MYCBP: variants seen among roughly 807,000 people sequenced by gnomAD.
MYCBP encodes C-Myc-binding protein.
Under a neutral mutation model 16.8 loss-of-function variants are expected in MYCBP, and 5 were observed. That is an observed-to-expected ratio of 0.30 (90% CI 0.16 to 0.63). The LOEUF (loss-of-function observed/expected upper bound fraction) is 0.63. Among genes scored for constraint, MYCBP ranks in the 20% least tolerant of loss-of-function variants. The pLI is 0.83. For synonymous variants in MYCBP, 35 were observed against 43.7 expected, an observed-to-expected ratio of 0.80 and a Z score of 0.79; for missense variants, 103 against 121.8, an observed-to-expected ratio of 0.85 and a Z score of 0.73.
rs1642288852 is a variant in MYCBP, at chr1:38,864,019, GA to G, written c.*650del. The G allele has an allele frequency of 6.5e-6, 1 of 152,812 alleles. No individual in the cohort carries two copies. Among genetic ancestry groups the G allele is most frequent in the Non-Finnish European group, 1.5e-5 (1 of 68,238 alleles). 9.5% of individuals were successfully genotyped at this position (152,812 alleles called of 1,614,324 possible). On this transcript the variant is annotated 3_prime_UTR_variant, in exon 5 of 5. Coordinates refer to ENST00000397572, the MANE Select transcript of MYCBP (RefSeq NM_012333.5). ...ATTAGGCAAATTGAAAAACAGCACA[GA>G]AAGGCCAGTGTGCAACTAGGACCCA... is the stretch of plus-strand genomic sequence containing the variant.
intron 2 of MYCBP, chr1:38,872,492 TACAC>T (rs1642486195): frequency 6.5e-6 from 1 of 154,096 alleles, no homozygotes; most frequent in Admixed American, 6.5e-5. Flanking sequence ...TTATGAAATA[TACAC>T]AAAATAAGAA....
intron 2 of MYCBP, among the ~76,000 whole-genome samples, chr1:38,870,533 C>G (rs1642438255): frequency 6.6e-6 from 1 of 151,652 alleles, no homozygotes; most frequent in Non-Finnish European, 1.5e-5. Flanking sequence ...GTGGCTCACG[C>G]CTGTAATCCC....
Position 38,864,619 on chromosome 1 carries a change from A to G in MYCBP, c.*51T>C, listed in dbSNP as rs1292929437. 4.5e-6 allele frequency: 7 copies of G among 1,561,796 alleles called. No homozygotes were observed. In the Admixed American group the frequency reaches 1.2e-4, roughly 26 times the overall value. ...GAAAAGATTATATACTATACAAACTATTCAAGTCATACAAAACCATTTTTC... is the reference window on the plus strand; with the variant it reads ...GAAAAGATTATATACTATACAAACTGTTCAAGTCATACAAAACCATTTTTC... On this transcript the variant is annotated 3_prime_UTR_variant, in exon 5 of 5. Transcript: ENST00000397572.
intron 2 of MYCBP, 100 bp from the exon 3 acceptor site, chr1:38,867,710 G>T: frequency 1.0e-6 from 1 of 974,894 alleles, no homozygotes; most frequent in Non-Finnish European, 1.6e-6. Flanking sequence ...CCAACTATAC[G>T]CTGAGCACAT....
At chr1:38,873,375 G>C, upstream of MYCBP, 9 of 1,557,022 alleles carry the variant, frequency 5.8e-6, no homozygotes, top group Non-Finnish European at 7.8e-6. Flanking sequence ...CACTGCTCAT[G>C]CGCGGAAGGG....
chr1:38,869,192 G>A (rs1037737339), intron 2 of MYCBP, among the ~76,000 whole-genome samples: 2 of 150,960 alleles, frequency 1.3e-5, no homozygotes, highest in East Asian at 2.0e-4. Flanking sequence ...AGGTTCAAGC[G>A]ATTCTCCTGC....
chr1:38,866,074 G>GTT (rs1642331275), intron 4 of MYCBP, among the ~76,000 whole-genome samples: 2 of 25,776 alleles, frequency 7.8e-5, no homozygotes, highest in Admixed American at 4.0e-4. Context: ...TTGAGACAGA[G>GTT]TTTCATTCTT....
At chr1:38,867,638 C>T in intron 2 of MYCBP, 28 bp from the exon 3 acceptor site, 3 of 1,604,040 alleles carry the variant, frequency 1.9e-6, no homozygotes, top group Middle Eastern at 1.7e-4. Context: ...GAAAAAGCAA[C>T]AATTGACGTA....
At chr1:38,872,176 C>T (rs1364695315) in intron 2 of MYCBP, among the ~76,000 whole-genome samples, 3 of 152,204 alleles carry the variant, frequency 2.0e-5, no homozygotes, top group Non-Finnish European at 4.4e-5. Context: ...TTCCCACTTC[C>T]CAAACTTCCT....
rs79551522 is a variant in MYCBP at position 38,865,862 on chromosome 1, G to A, written c.267+1018C>T. ...AGTCCTAACAAATTTACAGAGGGCC[G>A]CTACATATGGCCTTGCAAACTATGA... On this transcript the variant is annotated intron_variant, in intron 4 of 4. Coordinates refer to ENST00000397572, the MANE Select transcript of MYCBP (RefSeq NM_012333.5). Among the ~76,000 whole-genome samples the A allele has an allele frequency of 6.3e-3, 957 of 152,064 alleles. 7 individuals are homozygous for A. The highest frequency in any genetic ancestry group is 0.011 in the Non-Finnish European group (746 of 67,988).
At chr1:38,871,248 A>G (rs1038139972) in intron 2 of MYCBP, among the ~76,000 whole-genome samples, 1 of 152,096 alleles carries the variant, frequency 6.6e-6, no homozygotes, top group East Asian at 1.9e-4. Flanking sequence ...GTTACCGCCT[A>G]CAACTGTCAT....
In MYCBP at chr1:38,862,648, T is replaced by A. The variant is rs1642266141; in HGVS notation, c.*2022A>T. Among the ~76,000 whole-genome samples, 1 of 152,232 alleles carries A rather than the reference T, an allele frequency of 6.6e-6. No homozygotes were observed. Among genetic ancestry groups the A allele is most frequent in the African/African-American group, 2.4e-5 (1 of 41,468 alleles). On this transcript the variant is annotated 3_prime_UTR_variant, in exon 5 of 5. Coordinates refer to ENST00000397572, the MANE Select transcript of MYCBP (RefSeq NM_012333.5). ...TTTTCTCTTCCATGGAGCATCTTGTTGTATTCATCCAAATCCTTGACAGAA... is the reference window on the plus strand; with the variant it reads ...TTTTCTCTTCCATGGAGCATCTTGTAGTATTCATCCAAATCCTTGACAGAA...
At position 38,865,396 on chromosome 1, in the gene MYCBP, G is replaced by C. The variant is rs12354011; in HGVS notation, c.268-682C>G. 1.8e-3 allele frequency among the ~76,000 whole-genome samples: 280 copies of C among 152,218 alleles called. 2 individuals carry two copies. Among genetic ancestry groups the C allele is most frequent in the African/African-American group, 6.2e-3 (257 of 41,526 alleles). On this transcript the variant is annotated intron_variant, in intron 4 of 4. Transcript: ENST00000397572. ...GTTGAGAAGATAAAATATATTATGA[G>C]AAATACTTAGAGTAATGTAAAATAC...
At position 38,866,995 on chromosome 1, in the gene MYCBP, T is replaced by A; in HGVS notation, c.152A>T (p.His51Leu). The A allele has an allele frequency of 6.2e-7, 1 of 1,610,982 alleles. No individual in the cohort carries two copies. The highest frequency in any genetic ancestry group is 8.5e-7 in the Non-Finnish European group (1 of 1,178,456). The change falls in exon 4 of 5, where the codon CAC becomes CTC. Residue 51 changes from histidine to leucine, a missense_variant. Transcript: ENST00000397572. ...PNSALDFLKH[H>L]LGAATPENPE... The stretch of plus-strand genomic sequence containing the variant: ...ATTTTCTGGAGTAGCAGCTCCTAAG[T>A]GATGCTTTAAAAAACTATTATCAAT...
chr1:38,872,059 G>T (rs1298973650), intron 2 of MYCBP, among the ~76,000 whole-genome samples: 1 of 152,142 alleles, frequency 6.6e-6, no homozygotes, highest in Non-Finnish European at 1.5e-5. Context: ...CCCCAAATAG[G>T]TAGCAATTCA....
chr1:38,870,182 A>AT (rs2124262143), intron 2 of MYCBP, among the ~76,000 whole-genome samples: 1 of 150,738 alleles, frequency 6.6e-6, no homozygotes, highest in East Asian at 1.9e-4. Context: ...AAAAAAAAAA[A>AT]AAAAAAAATT....
Position 38,873,105 on chromosome 1 carries a change from G to A in MYCBP, c.16-15C>T, listed in dbSNP as rs940089086. 60 of 1,556,690 alleles carry A rather than the reference G, an allele frequency of 3.9e-5. No homozygotes were observed. Among genetic ancestry groups the A allele is most frequent in the Non-Finnish European group, 5.0e-5 (58 of 1,150,252 alleles). On this transcript the variant is annotated splice_polypyrimidine_tract_variant and intron_variant, in intron 1 of 4. Transcript: ENST00000397572. ...GAGTCGGCGGCCTGAAGAGACACCG[G>A]GGGTCAGTGGCCAGAGCCCGGGAGC...
intron 2 of MYCBP, among the ~76,000 whole-genome samples, chr1:38,868,763 A>G (rs959423103): frequency 2.6e-5 from 4 of 152,100 alleles, no homozygotes; most frequent in Non-Finnish European, 5.9e-5. Context: ...AAAATGAGCC[A>G]GGCGTGGTGG....
chr1:38,865,260 G>A (rs1447180588), intron 4 of MYCBP, among the ~76,000 whole-genome samples: 1 of 152,176 alleles, frequency 6.6e-6, no homozygotes, highest in South Asian at 2.1e-4. Context: ...GCTAACATTA[G>A]GGTTCTGCCA....
Sources: gnomAD v4.1 joint callset for allele counts (sites outside exome capture counted in the v4.1 genomes callset) on GRCh38, gnomAD v4.1.1 for gene constraint, MANE v1.5 for transcripts, NCBI Gene and HGNC (gene_info 2026-07-23, HGNC 2026-07-21) for gene names.